HPSE2: variants seen among roughly 807,000 people sequenced by gnomAD.
HPSE2 encodes the protein inactive heparanase-2.
HPSE2 carries 38 observed loss-of-function variants against 60.5 expected under a neutral mutation model. The ratio of observed to expected loss-of-function variants is 0.63; its 90% CI spans 0.48 to 0.82. HPSE2 has a LOEUF of 0.82. HPSE2 is among the 40% of genes least tolerant of loss of function. The probability of loss-of-function intolerance (pLI) is 0.00; values close to 1 mark genes in which losing one functional copy is unlikely to be tolerated. For synonymous variants in HPSE2, 295 were observed against 293.2 expected (o/e 1.01, Z -0.06); for missense variants, 713 against 740.4 (o/e 0.96, Z 0.43).
intron 9 of HPSE2, among the ~76,000 whole-genome samples, chr10:98,564,704 C>A (rs1944289419): frequency 6.6e-6 from 1 of 152,072 alleles, no homozygotes; most frequent in Non-Finnish European, 1.5e-5. Flanking sequence ...TAAACTAAAC[C>A]AAACAAACAT....
intron 5 of HPSE2, among the ~76,000 whole-genome samples, chr10:98,700,687 T>C (rs1948382157): frequency 1.5e-5 from 1 of 67,502 alleles, no homozygotes; most frequent in African/African-American, 3.2e-5. Flanking sequence ...CAAAAGAAAC[T>C]ACTATCAGAG....
At chr10:98,952,344 G>GTA (rs1430005173) in intron 3 of HPSE2, among the ~76,000 whole-genome samples, 1 of 151,616 alleles carries the variant, frequency 6.6e-6, no homozygotes, top group African/African-American at 2.4e-5. Flanking sequence ...GTGTGTGTGT[G>GTA]TGTGTGTGTG....
chr10:99,038,394 T>C (rs1455730139), intron 3 of HPSE2, among the ~76,000 whole-genome samples: 1 of 152,164 alleles, frequency 6.6e-6, no homozygotes, highest in Non-Finnish European at 1.5e-5. Context: ...AGCATTATGC[T>C]GACAAACAAA....
intron 3 of HPSE2, among the ~76,000 whole-genome samples, chr10:99,026,148 G>A (rs1957372326): frequency 6.6e-6 from 1 of 152,004 alleles, no homozygotes; most frequent in Admixed American, 6.6e-5. Flanking sequence ...TAATGTAAAT[G>A]AACTAACCTC....
chr10:98,966,492 G>A (rs1955817835), intron 3 of HPSE2, among the ~76,000 whole-genome samples: 1 of 152,138 alleles, frequency 6.6e-6, no homozygotes, highest in Non-Finnish European at 1.5e-5. Context: ...TATTGAATGA[G>A]AGCTGTTTAT....
At chr10:98,606,723 A>T (rs1945598466) in intron 9 of HPSE2, among the ~76,000 whole-genome samples, 1 of 152,226 alleles carries the variant, frequency 6.6e-6, no homozygotes, top group South Asian at 2.1e-4. Flanking sequence ...AAAAAATGTT[A>T]TAGTGTAGTA....
intron 5 of HPSE2, among the ~76,000 whole-genome samples, chr10:98,713,802 T>C (rs1412208965): frequency 6.6e-6 from 1 of 151,938 alleles, no homozygotes; most frequent in African/African-American, 2.4e-5. Context: ...CCATAAGTCA[T>C]TCTAACCAAG....
At chr10:98,618,271 A>T (rs1357840208) in intron 8 of HPSE2, among the ~76,000 whole-genome samples, 1 of 152,190 alleles carries the variant, frequency 6.6e-6, no homozygotes, top group Admixed American at 6.5e-5. Context: ...CTGCAAAGTG[A>T]CTGTAGGAAT....
intron 3 of HPSE2, among the ~76,000 whole-genome samples, chr10:98,969,534 GTTTC>G (rs1488791476): frequency 6.6e-6 from 1 of 152,116 alleles, no homozygotes; most frequent in African/African-American, 2.4e-5. Context: ...TCTTCTTCAT[GTTTC>G]TTTTTTTATC....
intron 2 of HPSE2, among the ~76,000 whole-genome samples, chr10:99,198,959 A>C (rs1344854393): frequency 6.6e-6 from 1 of 152,152 alleles, no homozygotes; most frequent in Non-Finnish European, 1.5e-5. Context: ...TTCTGTGATT[A>C]GTTTATTTCA....
At chr10:99,043,751 C>A (rs530938693) in intron 3 of HPSE2, among the ~76,000 whole-genome samples, 3 of 152,030 alleles carry the variant, frequency 2.0e-5, no homozygotes, top group East Asian at 3.9e-4. Flanking sequence ...TAGAATAGAC[C>A]AAACTGAGGA....
chr10:98,743,961 A>T lies in HPSE2; in HGVS notation c.706T>A (p.Trp236Arg), dbSNP rs1162774360. The change falls in exon 4 of 12, where the codon TGG (tryptophan) becomes AGG (arginine). Residue 236 changes from tryptophan to arginine, a missense_variant. Trp to Arg is a moderately radical substitution (Grantham distance 101, BLOSUM62 -3). Coordinates refer to ENST00000370552, the MANE Select transcript of HPSE2 (RefSeq NM_021828.5). ...NALRRNPNNS[W>R]NSSSALSLLK... is the part of the protein sequence containing the mutation. Reference sequence around the variant, plus strand: ...AGACTCAGGGCACTAGAACTGTTCCAGGAGTTATTGGGATTACGACGCAGT... The same window carrying T: ...AGACTCAGGGCACTAGAACTGTTCCTGGAGTTATTGGGATTACGACGCAGT... The T allele has an allele frequency of 6.2e-7, 1 of 1,614,102 alleles. No individual in the cohort carries two copies. The highest frequency in any genetic ancestry group is 1.7e-5 in the Admixed American group (1 of 60,022).
At chr10:98,842,703 T>C (rs1589929061) in intron 3 of HPSE2, among the ~76,000 whole-genome samples, 1 of 152,126 alleles carries the variant, frequency 6.6e-6, no homozygotes, top group East Asian at 1.9e-4. Context: ...TTGATTATCA[T>C]TGTCACCCAA....
At chr10:98,491,868 A>C (rs1941657056) in intron 9 of HPSE2, among the ~76,000 whole-genome samples, 1 of 152,208 alleles carries the variant, frequency 6.6e-6, no homozygotes, top group Admixed American at 6.5e-5. Context: ...ATTCAACCTA[A>C]AGGGTGGGTA....
intron 3 of HPSE2, among the ~76,000 whole-genome samples, chr10:99,080,714 C>T (rs899885145): frequency 6.6e-6 from 1 of 152,144 alleles, no homozygotes; most frequent in Non-Finnish European, 1.5e-5. Context: ...AGTCAGAAGC[C>T]ATCATTCAAG....
chr10:99,072,773 A>T (rs1461390283), intron 3 of HPSE2, among the ~76,000 whole-genome samples: 2 of 151,858 alleles, frequency 1.3e-5, no homozygotes, highest in Non-Finnish European at 2.9e-5. Context: ...AAAATACAAA[A>T]TAAAAATTAG....
At chr10:98,599,459 C>T (rs1165806649) in intron 9 of HPSE2, among the ~76,000 whole-genome samples, 1 of 152,074 alleles carries the variant, frequency 6.6e-6, no homozygotes, top group Non-Finnish European at 1.5e-5. Flanking sequence ...GTGGGACAGG[C>T]CTGGAGCCTG....
upstream of HPSE2, among the ~76,000 whole-genome samples, chr10:99,239,123 C>A (rs1308881335): frequency 6.6e-6 from 1 of 151,990 alleles, no homozygotes; most frequent in African/African-American, 2.4e-5. Context: ...GGAGCCATTG[C>A]ACTCCAGCCT....
At chr10:98,843,869 C>A (rs1419383418) in intron 3 of HPSE2, among the ~76,000 whole-genome samples, 1 of 152,170 alleles carries the variant, frequency 6.6e-6, no homozygotes, top group Non-Finnish European at 1.5e-5. Flanking sequence ...ACTCTTCTGA[C>A]TTAATTTTAG....
Sources: allele counts gnomAD v4.1 joint callset (sites outside exome capture counted in the v4.1 genomes callset), GRCh38; gene constraint gnomAD v4.1.1; transcripts MANE v1.5; gene names NCBI Gene and HGNC (gene_info 2026-07-23, HGNC 2026-07-21).